The following ZNF385B variants were observed in gnomAD, a reference collection of about 807,000 sequenced individuals.
ZNF385B encodes the protein zinc finger protein 533.
A neutral mutation model predicts 39.2 loss-of-function variants in ZNF385B; 23 were observed. That is an observed-to-expected ratio of 0.59 (90% CI 0.42 to 0.83). ZNF385B has a LOEUF of 0.83. Ranked by LOEUF, ZNF385B falls within the 40% of genes least tolerant of loss-of-function variation. The pLI, the probability that ZNF385B is intolerant of heterozygous loss-of-function variation, is 0.00. For synonymous variants in ZNF385B, 205 were observed against 222.6 expected, an observed-to-expected ratio of 0.92 and a Z score of 0.70; for missense variants, 552 against 598.9, an observed-to-expected ratio of 0.92 and a Z score of 0.82.
At chr2:179,735,363 A>G (rs1417750184) in intron 3 of ZNF385B, among the ~76,000 whole-genome samples, 2 of 145,002 alleles carry the variant, frequency 1.4e-5, no homozygotes, top group African/African-American at 2.6e-5. Context: ...AATGGCAATC[A>G]TTAAAAAGTC....
intron 3 of ZNF385B, among the ~76,000 whole-genome samples, chr2:179,607,092 G>A (rs1224327816): frequency 2.0e-5 from 3 of 152,160 alleles, no homozygotes; most frequent in Non-Finnish European, 4.4e-5. Flanking sequence ...ATGTCAGCAT[G>A]ATGATATCAA....
chr2:179,804,221 C>T (rs1051784428), intron 1 of ZNF385B, among the ~76,000 whole-genome samples: 16 of 152,180 alleles, frequency 1.1e-4, no homozygotes, highest in African/African-American at 3.9e-4. Context: ...TCAGCATTAC[C>T]AGAAGATGTA....
intron 1 of ZNF385B, among the ~76,000 whole-genome samples, chr2:179,800,161 T>C (rs1258287365): frequency 1.3e-5 from 2 of 152,060 alleles, no homozygotes; most frequent in African/African-American, 4.8e-5. Context: ...TTTTATGTAA[T>C]CTAAGTTGGA....
chr2:179,772,384 C>T (rs1470444310), intron 1 of ZNF385B, among the ~76,000 whole-genome samples: 3 of 152,122 alleles, frequency 2.0e-5, no homozygotes, highest in African/African-American at 7.2e-5. Context: ...TAGAAAAGAC[C>T]CAATGCCTGG....
intron 3 of ZNF385B, among the ~76,000 whole-genome samples, chr2:179,731,882 G>C (rs1453647472): frequency 2.0e-5 from 3 of 152,214 alleles, no homozygotes; most frequent in African/African-American, 7.2e-5. Context: ...CAGGCCCTCT[G>C]CAACCAGCTT....
At chr2:179,672,693 A>G (rs192987694) in intron 3 of ZNF385B, among the ~76,000 whole-genome samples, 2 of 152,304 alleles carry the variant, frequency 1.3e-5, no homozygotes, top group Admixed American at 6.5e-5. Context: ...CTCTTCCACC[A>G]AGTGAGGATG....
At chr2:179,572,855 C>A (rs1685387072) in intron 3 of ZNF385B, among the ~76,000 whole-genome samples, 1 of 151,946 alleles carries the variant, frequency 6.6e-6, no homozygotes, top group South Asian at 2.1e-4. Flanking sequence ...TTCTGTACCG[C>A]CAAAAAGAAG....
At chr2:179,466,941 A>G (rs1486749787) in intron 6 of ZNF385B, among the ~76,000 whole-genome samples, 18 of 149,106 alleles carry the variant, frequency 1.2e-4, no homozygotes, top group East Asian at 1.2e-3. Flanking sequence ...AAAAAAAAAA[A>G]AAAGAGAGAG....
In ZNF385B at chr2:179,698,375, A is replaced by T. The variant is rs530936263; in HGVS notation, c.298+71128T>A. On this transcript the variant is annotated intron_variant, in intron 3 of 9. Coordinates refer to ENST00000410066, the MANE Select transcript of ZNF385B (RefSeq NM_152520.6). ...AAGGTTTTAAATTGGGTTTTAAAAT[A>T]ACCATAATTATACTGAAGATTCTAG... Among the ~76,000 whole-genome samples the T allele has an allele frequency of 3.4e-4, 52 of 152,342 alleles. 1 individual carries two copies. The highest frequency in any genetic ancestry group is 3.2e-3 in the Admixed American group (49 of 15,296).
chr2:179,668,618 CTTTCT>C (rs1695493493), intron 3 of ZNF385B, among the ~76,000 whole-genome samples: 2 of 64,244 alleles, frequency 3.1e-5, no homozygotes, highest in Admixed American at 5.5e-4. Flanking sequence ...GAGCCAACAC[CTTTCT>C]TTTTTTTTTT....
chr2:179,557,548 CATATAT>C (rs1319675831), intron 3 of ZNF385B, among the ~76,000 whole-genome samples: 2 of 113,584 alleles, frequency 1.8e-5, no homozygotes, highest in African/African-American at 6.4e-5. Context: ...ATGTATATAA[CATATAT>C]ACATGTTATA....
At chr2:179,635,916 G>A (rs918186910) in intron 3 of ZNF385B, among the ~76,000 whole-genome samples, 5 of 151,812 alleles carry the variant, frequency 3.3e-5, no homozygotes, top group African/African-American at 1.2e-4. Flanking sequence ...GGACTCTTAT[G>A]GTTTGTGCCT....
At chr2:179,683,034 C>T (rs1697641432) in intron 3 of ZNF385B, among the ~76,000 whole-genome samples, 1 of 152,042 alleles carries the variant, frequency 6.6e-6, no homozygotes, top group Non-Finnish European at 1.5e-5. Flanking sequence ...ACAGAAAGTA[C>T]CTGCCAAATA....
At chr2:179,756,708 C>G (rs1309897502) in intron 3 of ZNF385B, among the ~76,000 whole-genome samples, 1 of 152,110 alleles carries the variant, frequency 6.6e-6, no homozygotes, top group Admixed American at 6.5e-5. Context: ...ACACTTCTCA[C>G]TTCATTTCAT....
chr2:179,848,376 C>T lies in ZNF385B; in HGVS notation c.-155+12725G>A, dbSNP rs565081186. 1.7e-3 allele frequency among the ~76,000 whole-genome samples: 260 copies of T among 152,268 alleles called. 1 individual carries two copies. The highest frequency in any genetic ancestry group is 6.0e-3 in the African/African-American group (249 of 41,542). On this transcript the variant is annotated intron_variant, in intron 1 of 9. Coordinates refer to ENST00000410066, the MANE Select transcript of ZNF385B (RefSeq NM_152520.6). ...TTTATAGGCTGTTGAGGTGTCTAGCCTAGCGCAAGCTTCTATTATAGGCAA... is the reference window on the plus strand; with the variant it reads ...TTTATAGGCTGTTGAGGTGTCTAGCTTAGCGCAAGCTTCTATTATAGGCAA...
chr2:179,663,252 A>G (rs1218940741), intron 3 of ZNF385B, among the ~76,000 whole-genome samples: 1 of 152,196 alleles, frequency 6.6e-6, no homozygotes, highest in Non-Finnish European at 1.5e-5. Flanking sequence ...GGACACCAGA[A>G]TTGCTTAACT....
intron 1 of ZNF385B, among the ~76,000 whole-genome samples, chr2:179,829,678 C>T (rs914297720): frequency 3.2e-4 from 48 of 152,120 alleles, no homozygotes; most frequent in Admixed American, 2.0e-3. Flanking sequence ...CATGCCCGGC[C>T]AATTTTTTGT....
At chr2:179,629,206 C>T (rs1477654806) in intron 3 of ZNF385B, among the ~76,000 whole-genome samples, 3 of 152,152 alleles carry the variant, frequency 2.0e-5, no homozygotes, top group African/African-American at 7.2e-5. Flanking sequence ...ACCATTGAAA[C>T]TGATTATGTC....
intron 4 of ZNF385B, among the ~76,000 whole-genome samples, chr2:179,519,231 T>C (rs1276725301): frequency 6.6e-6 from 1 of 152,240 alleles, no homozygotes; most frequent in African/African-American, 2.4e-5. Flanking sequence ...TACACATATA[T>C]TTATGCTTCT....
Sources: allele counts gnomAD v4.1 joint callset (sites outside exome capture counted in the v4.1 genomes callset), GRCh38; gene constraint gnomAD v4.1.1; transcripts MANE v1.5; gene names NCBI Gene and HGNC (gene_info 2026-07-23, HGNC 2026-07-21).